Variants in ADAMTSL1 observed in about 807,000 individuals in gnomAD.
ADAMTSL1 encodes ADAMTS-like protein 1.
In ADAMTSL1, 126 loss-of-function variants were observed where a neutral mutation model predicts 201.8. The observed-to-expected ratio is 0.62, with a 90% CI of 0.54 to 0.72. ADAMTSL1 has a LOEUF of 0.72. ADAMTSL1 is among the 30% of genes least tolerant of loss of function. The pLI, the probability that ADAMTSL1 is intolerant of heterozygous loss-of-function variation, is 0.00. For missense variants in ADAMTSL1, 2,679 were observed against 2,277.8 expected (o/e 1.18, Z -3.59); for synonymous variants, 1,121 against 903.4 (o/e 1.24, Z -4.32).
At chr9:18,569,130 C>T (rs957083423) in intron 3 of ADAMTSL1, among the ~76,000 whole-genome samples, 4 of 152,170 alleles carry the variant, frequency 2.6e-5, no homozygotes, top group African/African-American at 9.6e-5. Context: ...CCTCCTTTGT[C>T]TCACAGTGTA....
intron 2 of ADAMTSL1, among the ~76,000 whole-genome samples, chr9:18,529,323 C>T (rs1819292263): frequency 6.6e-6 from 1 of 152,126 alleles, no homozygotes; most frequent in South Asian, 2.1e-4. Context: ...ACAGGTCAAC[C>T]TCAGGCCTAT....
chr9:18,577,490 T>C (rs111577650), intron 4 of ADAMTSL1, among the ~76,000 whole-genome samples: 3 of 152,078 alleles, frequency 2.0e-5, no homozygotes, highest in African/African-American at 2.4e-5. Flanking sequence ...CATCTCTAAA[T>C]AAATAAATAC....
At chr9:18,518,720 A>AT (rs1347883049) in intron 2 of ADAMTSL1, among the ~76,000 whole-genome samples, 5 of 151,516 alleles carry the variant, frequency 3.3e-5, no homozygotes, top group African/African-American at 7.3e-5. Flanking sequence ...TTTTCTTTTT[A>AT]TTTTTTGAGA....
chr9:18,336,459 A>C (rs2132939081), intron 2 of ADAMTSL1, among the ~76,000 whole-genome samples: 1 of 152,294 alleles, frequency 6.6e-6, no homozygotes, highest in Non-Finnish European at 1.5e-5. Flanking sequence ...GTTTTTCAAA[A>C]AGAAAGTAAA....
chr9:18,156,453 T>G (rs541509917), intron 1 of ADAMTSL1, among the ~76,000 whole-genome samples: 2 of 152,156 alleles, frequency 1.3e-5, no homozygotes, highest in East Asian at 3.9e-4. Flanking sequence ...TATAAACATT[T>G]GCCAAGTGTA....
At chr9:18,138,662 A>G (rs900119685) in intron 1 of ADAMTSL1, among the ~76,000 whole-genome samples, 8 of 152,176 alleles carry the variant, frequency 5.3e-5, no homozygotes, top group African/African-American at 1.9e-4. Flanking sequence ...AGGAAACACT[A>G]TAGAGACACA....
chr9:18,487,952 G>A (rs1587353994), intron 1 of ADAMTSL1, among the ~76,000 whole-genome samples: 1 of 152,086 alleles, frequency 6.6e-6, no homozygotes. Flanking sequence ...CATAATTATA[G>A]CAGCCATAGT....
chr9:18,208,687 C>G (rs1829750846), intron 2 of ADAMTSL1, among the ~76,000 whole-genome samples: 1 of 152,082 alleles, frequency 6.6e-6, no homozygotes, highest in Non-Finnish European at 1.5e-5. Flanking sequence ...GAGCACATAG[C>G]CAGCAAGTGT....
At chr9:18,810,289 C>T (rs1229951068) in intron 20 of ADAMTSL1, among the ~76,000 whole-genome samples, 3 of 152,170 alleles carry the variant, frequency 2.0e-5, no homozygotes, top group Non-Finnish European at 4.4e-5. Flanking sequence ...CCAAGGTGAG[C>T]TTCTCAGAAC....
intron 2 of ADAMTSL1, among the ~76,000 whole-genome samples, chr9:18,405,039 C>G (rs1818131151): frequency 6.6e-6 from 1 of 152,102 alleles, no homozygotes; most frequent in Non-Finnish European, 1.5e-5. Context: ...ATTTCCAGCG[C>G]TAGACCTCCG....
intron 13 of ADAMTSL1, among the ~76,000 whole-genome samples, chr9:18,693,934 A>C (rs1263152525): frequency 1.3e-5 from 2 of 152,136 alleles, no homozygotes; most frequent in East Asian, 1.9e-4. Flanking sequence ...GGCAATTTAT[A>C]AGTAAAAGAG....
intron 1 of ADAMTSL1, among the ~76,000 whole-genome samples, chr9:17,986,821 C>G (rs1053194195): frequency 6.6e-6 from 1 of 152,072 alleles, no homozygotes; most frequent in African/African-American, 2.4e-5. Context: ...AGACTGTTGA[C>G]TAGGTGCAAA....
chr9:18,664,740 G>A (rs536425374), intron 9 of ADAMTSL1, among the ~76,000 whole-genome samples: 17 of 151,948 alleles, frequency 1.1e-4, no homozygotes, highest in East Asian at 3.9e-4. Flanking sequence ...AGCAAAAACC[G>A]CATTAAACAA....
intron 2 of ADAMTSL1, among the ~76,000 whole-genome samples, chr9:18,448,434 G>T (rs1820281305): frequency 1.3e-5 from 2 of 152,060 alleles, no homozygotes; most frequent in African/African-American, 2.4e-5. Context: ...AAAAGGGAAA[G>T]AATTATAAAG....
chr9:18,199,629 C>A (rs1319785019), intron 2 of ADAMTSL1, among the ~76,000 whole-genome samples: 1 of 152,044 alleles, frequency 6.6e-6, no homozygotes, highest in Non-Finnish European at 1.5e-5. Flanking sequence ...GGCTTAAAGT[C>A]CAAAGCTGGG....
intron 1 of ADAMTSL1, among the ~76,000 whole-genome samples, chr9:18,078,206 T>C (rs1563986392): frequency 6.6e-6 from 1 of 152,214 alleles, no homozygotes; most frequent in Admixed American, 6.5e-5. Context: ...ACTCATGAGA[T>C]AGAATAAAAA....
intron 4 of ADAMTSL1, among the ~76,000 whole-genome samples, chr9:18,601,858 T>C (rs1824681852): frequency 6.6e-6 from 1 of 151,944 alleles, no homozygotes; most frequent in African/African-American, 2.4e-5. Context: ...TTGAAGTACA[T>C]AGCTTCTGAT....
At chr9:18,068,321 A>G (rs538240028) in intron 1 of ADAMTSL1, among the ~76,000 whole-genome samples, 1 of 152,308 alleles carries the variant, frequency 6.6e-6, no homozygotes, top group South Asian at 2.1e-4. Flanking sequence ...TAACAATACA[A>G]CAATAAAAAT....
chr9:18,585,437 A>G (rs754621919), intron 4 of ADAMTSL1, among the ~76,000 whole-genome samples: 1 of 152,172 alleles, frequency 6.6e-6, no homozygotes, highest in Non-Finnish European at 1.5e-5. Context: ...TTTTTTTAAT[A>G]TACTCATGCC....
Sources: allele counts gnomAD v4.1 joint callset (sites outside exome capture counted in the v4.1 genomes callset), GRCh38; gene constraint gnomAD v4.1.1; transcripts MANE v1.5; gene names NCBI Gene and HGNC (gene_info 2026-07-23, HGNC 2026-07-21).